The following SV2C variants were observed in gnomAD, a reference collection of about 807,000 sequenced individuals.
SV2C encodes solute carrier family 22 member B3.
Under a neutral mutation model 79.7 loss-of-function variants are expected in SV2C, and 49 were observed. The ratio of observed to expected loss-of-function variants is 0.61; its 90% CI spans 0.49 to 0.78. The LOEUF (loss-of-function observed/expected upper bound fraction) is 0.78, where lower values mean the gene tolerates loss of function less well. SV2C is among the 30% of genes least tolerant of loss of function. The pLI, the probability that SV2C is intolerant of heterozygous loss-of-function variation, is 0.00. For synonymous variants in SV2C, 334 were observed against 333.2 expected (o/e 1.00, Z -0.03); for missense variants, 833 against 912.9 (o/e 0.91, Z 1.13).
At chr5:76,263,526 T>C (rs1746550069) in intron 4 of SV2C, among the ~76,000 whole-genome samples, 1 of 152,168 alleles carries the variant, frequency 6.6e-6, no homozygotes, top group South Asian at 2.1e-4. Context: ...CTTGTTATGT[T>C]GCCCATTAGT....
At chr5:76,223,444 C>CATACATACAT (rs1561271136) in intron 4 of SV2C, among the ~76,000 whole-genome samples, 1 of 45,790 alleles carries the variant, frequency 2.2e-5, no homozygotes, top group South Asian at 1.1e-3. Context: ...TACATACATA[C>CATACATACAT]ATATATATAT....
chr5:76,281,170 A>T (rs1747182003), intron 4 of SV2C: 5 of 537,850 alleles, frequency 9.3e-6, no homozygotes, highest in South Asian at 7.0e-5. Context: ...ACTAGGTTTA[A>T]TAGAAATCCT....
intron 4 of SV2C, among the ~76,000 whole-genome samples, chr5:76,273,949 C>T (rs540557757): frequency 2.6e-5 from 4 of 152,274 alleles, no homozygotes; most frequent in South Asian, 4.1e-4. Context: ...AATATGACTG[C>T]GGTTATAGGT....
the SV2C span, among the ~76,000 whole-genome samples, chr5:75,941,369 T>C: frequency 3.9e-5 from 6 of 152,212 alleles, no homozygotes; most frequent in East Asian, 1.2e-3. Flanking sequence ...AATGTTACTT[T>C]AAACATCTTC....
In SV2C at chr5:76,301,590, G is replaced by A. The variant is rs201735516; in HGVS notation, c.2000+45G>A. On this transcript the variant is annotated intron_variant, in intron 12 of 12. Coordinates refer to ENST00000502798, the MANE Select transcript of SV2C (RefSeq NM_014979.4). ...TAGTAAGAGGCACTCTAAGCCCTGT[G>A]AGACCACTGAAAAATTATTTTAAAA... 258 of 1,573,122 alleles carry A rather than the reference G, an allele frequency of 1.6e-4. 1 individual carries two copies. In the African/African-American group the frequency reaches 2.1e-3, roughly 13 times the overall value.
chr5:76,329,525 T>C lies in SV2C; in HGVS notation c.*3978T>C, dbSNP rs1291496511. 1 of 152,058 alleles carries C rather than the reference T, an allele frequency of 6.6e-6. No homozygotes were observed. Among genetic ancestry groups the C allele is most frequent in the Non-Finnish European group, 1.5e-5 (1 of 68,022 alleles). The allele number at this position is 152,058 out of a possible 1,614,324, so 9.4% of individuals were successfully genotyped here. A position where few individuals can be genotyped will look rare whatever the true frequency, so the allele number is the denominator to read the frequency against. On this transcript the variant is annotated 3_prime_UTR_variant, in exon 13 of 13. Transcript: ENST00000502798. Reference sequence around the variant, plus strand: ...TTGTCTTTCAAGATACCTTAAGAGATCAAAGGGGAGGTGGGAAAAGAAATG... The same window carrying C: ...TTGTCTTTCAAGATACCTTAAGAGACCAAAGGGGAGGTGGGAAAAGAAATG...
At chr5:75,970,626 A>C in the SV2C span, among the ~76,000 whole-genome samples, 2 of 152,192 alleles carry the variant, frequency 1.3e-5, no homozygotes, top group Admixed American at 6.5e-5. Flanking sequence ...TAAACGAGGA[A>C]GAAGCTGAAT....
chr5:76,301,056 C>T (rs1007366545), intron 11 of SV2C, 124 bp downstream of exon 11: 17 of 1,064,480 alleles, frequency 1.6e-5, no homozygotes, highest in East Asian at 4.9e-5. Context: ...TTAGACCTTA[C>T]GTTGGGACTA....
At chr5:75,911,694 T>C in the SV2C span, 1 of 667,512 alleles carries the variant, frequency 1.5e-6, no homozygotes, top group Non-Finnish European at 2.9e-6. Flanking sequence ...CTCAGATTGC[T>C]TCAGAGCCTG....
chr5:76,301,908 C>CAAAAA (rs11436839), intron 12 of SV2C, among the ~76,000 whole-genome samples: 4 of 41,398 alleles, frequency 9.7e-5, no homozygotes, highest in Admixed American at 2.6e-4. Flanking sequence ...GACACCATCT[C>CAAAAA]AAAAAAAAAA....
intron 1 of SV2C, among the ~76,000 whole-genome samples, chr5:76,121,624 G>A (rs1278645658): frequency 4.0e-5 from 6 of 150,274 alleles, no homozygotes; most frequent in African/African-American, 1.5e-4. Flanking sequence ...ATTAAATAGG[G>A]AATCCTTTCC....
At chr5:76,245,496 C>G (rs775288953) in intron 4 of SV2C, among the ~76,000 whole-genome samples, 2 of 152,122 alleles carry the variant, frequency 1.3e-5, no homozygotes, top group Non-Finnish European at 2.9e-5. Context: ...TTATGGGAGC[C>G]TACAAGAGAC....
chr5:76,263,038 G>T (rs1033649474), intron 4 of SV2C, among the ~76,000 whole-genome samples: 6 of 152,144 alleles, frequency 3.9e-5, no homozygotes, highest in Admixed American at 6.5e-5. Flanking sequence ...GGGTGTTAAA[G>T]TCTTCCACTA....
At chr5:76,144,387 G>A (rs1008211482) in intron 2 of SV2C, among the ~76,000 whole-genome samples, 8 of 152,188 alleles carry the variant, frequency 5.3e-5, no homozygotes, top group Non-Finnish European at 8.8e-5. Context: ...TGCACAAAAG[G>A]ACCTGGGTTT....
At chr5:76,204,730 T>G (rs2112345862) in intron 3 of SV2C, among the ~76,000 whole-genome samples, 1 of 152,300 alleles carries the variant, frequency 6.6e-6, no homozygotes, top group East Asian at 1.9e-4. Context: ...ATCTATAACC[T>G]CCCTCTTTCA....
chr5:76,073,503 G>GTGTGTATATATA, the SV2C span, among the ~76,000 whole-genome samples: 1 of 67,412 alleles, frequency 1.5e-5, no homozygotes, highest in African/African-American at 6.6e-5. Context: ...GTATGTGTGT[G>GTGTGTATATATA]TATATATATA....
chr5:75,903,057 A>G, the SV2C span, among the ~76,000 whole-genome samples: 2 of 152,214 alleles, frequency 1.3e-5, no homozygotes, highest in Non-Finnish European at 2.9e-5. Flanking sequence ...TTTGAGCTCA[A>G]TAAACTTACA....
chr5:76,352,379 A>G (rs1312863415), intron 12 of SV2C, among the ~76,000 whole-genome samples: 1 of 152,218 alleles, frequency 6.6e-6, no homozygotes, highest in Non-Finnish European at 1.5e-5. Context: ...CCAGTTCAAC[A>G]CTGTTGAGAG....
At chr5:75,921,635 C>T in the SV2C span, 1 of 846,514 alleles carries the variant, frequency 1.2e-6, no homozygotes, top group Non-Finnish European at 2.0e-6. Context: ...GATGTTTTTC[C>T]TGTCCCACTG....
Sources: gnomAD v4.1 joint callset for allele counts (sites outside exome capture counted in the v4.1 genomes callset) on GRCh38, gnomAD v4.1.1 for gene constraint, MANE v1.5 for transcripts, NCBI Gene and HGNC (gene_info 2026-07-23, HGNC 2026-07-21) for gene names.